Variants in ANO4 observed in about 807,000 individuals in gnomAD.
ANO4 encodes the protein anoctamin 4.
A neutral mutation model predicts 141.9 loss-of-function variants in ANO4; 69 were observed. The observed-to-expected ratio is 0.49, with a 90% CI of 0.40 to 0.59. The LOEUF (loss-of-function observed/expected upper bound fraction) is 0.59, where lower values mean the gene tolerates loss of function less well. ANO4 is among the 20% of genes least tolerant of loss of function. ANO4 has a pLI of 0.00. For missense variants in ANO4, 894 were observed against 1,162.2 expected (o/e 0.77, Z 3.36); for synonymous variants, 350 against 394.3 (o/e 0.89, Z 1.33).
chr12:100,719,178 G>A (rs1490267082), intron 1 of ANO4, among the ~76,000 whole-genome samples: 1 of 152,206 alleles, frequency 6.6e-6, no homozygotes, highest in Admixed American at 6.5e-5. Flanking sequence ...GAGAACTGAA[G>A]CATATTTCAA....
chr12:100,857,780 T>C (rs566281786), intron 1 of ANO4, among the ~76,000 whole-genome samples: 2 of 152,274 alleles, frequency 1.3e-5, no homozygotes, highest in Non-Finnish European at 2.9e-5. Flanking sequence ...GAATTTGTAA[T>C]AGAACTACAG....
intron 3 of ANO4, among the ~76,000 whole-genome samples, chr12:100,755,643 C>T (rs898608377): frequency 9.2e-5 from 14 of 152,120 alleles, no homozygotes; most frequent in African/African-American, 1.4e-4. Context: ...ACTTTGTTTA[C>T]GATCATTTTT....
chr12:100,793,449 A>G (rs1316707933), upstream of ANO4, among the ~76,000 whole-genome samples: 1 of 152,144 alleles, frequency 6.6e-6, no homozygotes, highest in African/African-American at 2.4e-5. Flanking sequence ...TGTGGTATTC[A>G]GGCTCCCCAA....
intron 1 of ANO4, among the ~76,000 whole-genome samples, chr12:100,894,149 C>G (rs2136000247): frequency 6.6e-6 from 1 of 152,214 alleles, no homozygotes; most frequent in South Asian, 2.1e-4. Context: ...AGGACAGCAC[C>G]TTGGCAGAAA....
intron 9 of ANO4, among the ~76,000 whole-genome samples, chr12:101,026,887 A>G (rs1304531293): frequency 2.0e-5 from 3 of 152,238 alleles, no homozygotes; most frequent in Non-Finnish European, 4.4e-5. Flanking sequence ...CCTAGACTTC[A>G]AAATTAAAAC....
Position 101,128,271 on chromosome 12 carries a change from A to G in ANO4, c.*415A>G, listed in dbSNP as rs555183996. On this transcript the variant is annotated 3_prime_UTR_variant, in exon 28 of 28. Transcript: ENST00000392977. The stretch of plus-strand genomic sequence containing the variant: ...CATGGACACACATTCCTAGAATGTC[A>G]TCATATGGTCCTAATTCCATGTCAC... 1 of 152,764 alleles carries G rather than the reference A, an allele frequency of 6.5e-6. No homozygotes were observed. The highest frequency in any genetic ancestry group is 2.4e-5 in the African/African-American group (1 of 41,576). The allele number at this position is 152,764 out of a possible 1,614,324, so 9.5% of individuals were successfully genotyped here.
chr12:100,748,265 A>G (rs2032202491), intron 3 of ANO4, among the ~76,000 whole-genome samples: 1 of 152,232 alleles, frequency 6.6e-6, no homozygotes, highest in South Asian at 2.1e-4. Flanking sequence ...ATGCCAAAGG[A>G]AACAGGTTTG....
intron 3 of ANO4, among the ~76,000 whole-genome samples, chr12:100,752,295 A>G (rs1279365103): frequency 6.6e-6 from 1 of 152,134 alleles, no homozygotes; most frequent in Non-Finnish European, 1.5e-5. Context: ...AACAATACCT[A>G]AAGTAAGAAA....
At chr12:100,779,433 A>AT (rs1471292931) in intron 3 of ANO4, among the ~76,000 whole-genome samples, 1 of 152,236 alleles carries the variant, frequency 6.6e-6, no homozygotes, top group East Asian at 1.9e-4. Context: ...AGACAACCTC[A>AT]GAAGCATGAG....
intron 3 of ANO4, among the ~76,000 whole-genome samples, chr12:100,926,594 G>A (rs1265087119): frequency 6.7e-6 from 1 of 149,534 alleles, no homozygotes; most frequent in Non-Finnish European, 1.5e-5. Context: ...AGTATAACAA[G>A]GGTGTGTTTG....
At chr12:100,811,628 A>G (rs2035441034) in intron 1 of ANO4, among the ~76,000 whole-genome samples, 2 of 152,160 alleles carry the variant, frequency 1.3e-5, no homozygotes, top group Admixed American at 1.3e-4. Context: ...GTGAGATGAA[A>G]TCAGAACTGA....
intron 13 of ANO4, among the ~76,000 whole-genome samples, chr12:101,044,404 A>T (rs2047541114): frequency 6.6e-6 from 1 of 152,254 alleles, no homozygotes; most frequent in South Asian, 2.1e-4. Flanking sequence ...TTTCTTAGAC[A>T]TATTCCTCAC....
rs1454535902 is a variant in ANO4 at position 100,912,895 on chromosome 12, C to T, written c.56-9331C>T. 2.0e-5 allele frequency among the ~76,000 whole-genome samples: 3 copies of T among 152,284 alleles called. No individual in the cohort carries two copies. The East Asian group carries it at 5.8e-4, about 29-fold the overall frequency. ...GTGGTGCCTTTCAGAACAGTTAGTG[C>T]TGTGGTTTAGAAATAACACTGTAAT... On this transcript the variant is annotated intron_variant, in intron 2 of 27. Coordinates refer to ENST00000392977, the MANE Select transcript of ANO4 (RefSeq NM_001286615.2).
At position 100,988,995 on chromosome 12, in the gene ANO4, T is replaced by C. The variant is rs549055454; in HGVS notation, c.734+1325T>C. 2.6e-5 allele frequency among the ~76,000 whole-genome samples: 4 copies of C among 151,670 alleles called. No homozygotes were observed. The East Asian group carries it at 7.7e-4, about 29-fold the overall frequency. ...GCAACAGAAAAACGGTTAAAGTCTG[T>C]GGAGCTCTGCAGGGCAAAGGGGAAA... On this transcript the variant is annotated intron_variant, in intron 8 of 27. Transcript: ENST00000392977.
At chr12:100,784,928 AT>A (rs5800422) in intron 3 of ANO4, among the ~76,000 whole-genome samples, 94,830 of 149,808 alleles carry the variant, frequency 0.63, 30,084 homozygotes, top group East Asian at 0.88. Flanking sequence ...TCCTCTCACT[AT>A]TTTTTTTTTC....
chr12:100,926,458 A>G (rs1317579171), intron 3 of ANO4, among the ~76,000 whole-genome samples: 5 of 152,122 alleles, frequency 3.3e-5, no homozygotes, highest in Admixed American at 6.6e-5. Flanking sequence ...ACCTTAAGGC[A>G]GTGGTGAATG....
chr12:100,767,206 A>C (rs1315385166), intron 3 of ANO4, among the ~76,000 whole-genome samples: 1 of 152,120 alleles, frequency 6.6e-6, no homozygotes, highest in Non-Finnish European at 1.5e-5. Context: ...ACTTAAAGTA[A>C]TTATTGATAG....
chr12:100,906,862 G>GA (rs767376455), intron 2 of ANO4, among the ~76,000 whole-genome samples: 2 of 152,122 alleles, frequency 1.3e-5, no homozygotes, highest in African/African-American at 2.4e-5. Context: ...GTTGGTGCCA[G>GA]GGCTATTGGA....
At chr12:100,824,512 C>G (rs977797925) in intron 1 of ANO4, among the ~76,000 whole-genome samples, 7 of 151,948 alleles carry the variant, frequency 4.6e-5, no homozygotes, top group Non-Finnish European at 7.4e-5. Context: ...ATCAGTTTTC[C>G]TCAAATGGAC....
Sources: gnomAD v4.1 joint callset for allele counts (sites outside exome capture counted in the v4.1 genomes callset) on GRCh38, gnomAD v4.1.1 for gene constraint, MANE v1.5 for transcripts, NCBI Gene and HGNC (gene_info 2026-07-23, HGNC 2026-07-21) for gene names.